Variants in RTN3 observed in about 807,000 individuals in gnomAD.
The protein encoded by RTN3 is reticulon-3.
RTN3 carries 49 observed loss-of-function variants against 77.8 expected under a neutral mutation model. The observed-to-expected ratio is 0.63, with a 90% CI of 0.50 to 0.80. The LOEUF is 0.80. RTN3 is among the 30% of genes least tolerant of loss of function. RTN3 has a pLI of 0.00. For missense variants in RTN3, 1,236 were observed against 1,211.9 expected, an observed-to-expected ratio of 1.02 and a Z score of -0.29; for synonymous variants, 464 against 446.9, an observed-to-expected ratio of 1.04 and a Z score of -0.48.
chr11:63,700,212 T>C (rs752308316), intron 1 of RTN3, among the ~76,000 whole-genome samples: 1 of 151,608 alleles, frequency 6.6e-6, no homozygotes, highest in Non-Finnish European at 1.5e-5. Flanking sequence ...AGAGATTTAA[T>C]GTTGATAGTA....
chr11:63,707,010 C>T (rs555543197), intron 2 of RTN3, among the ~76,000 whole-genome samples: 3 of 151,502 alleles, frequency 2.0e-5, no homozygotes, highest in Non-Finnish European at 2.9e-5. Context: ...GCAGTTCTCT[C>T]GCCTCAGCCT....
rs1196562047 is a variant in RTN3 at position 63,718,772 on chromosome 11, T to C, written c.270T>C (p.Ser90=). The change falls in exon 3 of 9, where the codon TCT becomes TCC. Residue 90 remains serine, a synonymous_variant. Coordinates refer to ENST00000377819, the MANE Select transcript of RTN3 (RefSeq NM_001265589.2). ...EIMTSSFLSS[S]EIHNTGLTIL... ...TGACTTCTTCCTTTCTTTCATCTTC[T>C]GAAATACATAACACTGGCCTTACAA... is the stretch of plus-strand genomic sequence containing the variant. 2 of 1,608,694 alleles carry C rather than the reference T, an allele frequency of 1.2e-6. No homozygotes were observed. The highest frequency in any genetic ancestry group is 2.2e-5 in the East Asian group (1 of 44,860).
intron 1 of RTN3, among the ~76,000 whole-genome samples, chr11:63,702,126 A>G (rs911642123): frequency 6.6e-6 from 1 of 152,192 alleles, no homozygotes; most frequent in African/African-American, 2.4e-5. Context: ...ATTTGTGAAA[A>G]TATTTTTATA....
At chr11:63,744,440 C>T (rs561422828) in intron 3 of RTN3, among the ~76,000 whole-genome samples, 10 of 152,152 alleles carry the variant, frequency 6.6e-5, no homozygotes, top group African/African-American at 2.4e-4. Context: ...CTACTACATA[C>T]CTATGCAATA....
chr11:63,753,135 C>G lies in RTN3; in HGVS notation c.2944C>G (p.Leu982Val). ...AVFNGITLLI[L>V]AELLIFSVPI... is the part of the protein sequence containing the mutation. Reference sequence around the variant, plus strand: ...TTTTAACGGAATCACCCTTCTAATTCTTGGTAAGGTGGCAAGGAGAATGTG... The same window carrying G: ...TTTTAACGGAATCACCCTTCTAATTGTTGGTAAGGTGGCAAGGAGAATGTG... Residue 982 changes from leucine (L) to valine (V), a missense_variant, in exon 6 of 9, where the codon CTT becomes GTT. Leu to Val is a conservative substitution (Grantham distance 32, BLOSUM62 1). Around this residue, in one of 3 missense-constraint regions of RTN3, gnomAD observed 141 missense variants for 154.9 expected, o/e 0.91. Coordinates refer to ENST00000377819, the MANE Select transcript of RTN3 (RefSeq NM_001265589.2). 1.2e-6 allele frequency: 2 copies of G among 1,613,814 alleles called. No homozygotes were observed. The highest frequency in any genetic ancestry group is 1.7e-6 in the Non-Finnish European group (2 of 1,179,756).
At chr11:63,703,944 T>TG (rs1469969462) in intron 1 of RTN3, among the ~76,000 whole-genome samples, 2 of 152,182 alleles carry the variant, frequency 1.3e-5, no homozygotes, top group Admixed American at 6.6e-5. Flanking sequence ...GGAGAATATG[T>TG]GCATTTTAAA....
At position 63,749,981 on chromosome 11, in the gene RTN3, C is replaced by T. The variant is rs767309973; in HGVS notation, c.2531-10C>T. 4 of 1,607,012 alleles carry T rather than the reference C, an allele frequency of 2.5e-6. No individual in the cohort carries two copies. Among genetic ancestry groups the T allele is most frequent in the Non-Finnish European group, 2.6e-6 (3 of 1,173,902 alleles). On this transcript the variant is annotated splice_polypyrimidine_tract_variant and intron_variant, in intron 3 of 8. Coordinates refer to ENST00000377819, the MANE Select transcript of RTN3 (RefSeq NM_001265589.2). ...TTTCTTATAACTTATATTCCCTTTT[C>T]TTTTGTCAGTGCACGATCTGATTTT...
At chr11:63,753,236 C>A in intron 6 of RTN3, 98 bp downstream of exon 6, 3 of 1,209,114 alleles carry the variant, frequency 2.5e-6, no homozygotes, top group Admixed American at 1.8e-5. Context: ...TTCTTCATTG[C>A]CCAGTCTTGA....
At chr11:63,741,833 A>G (rs1433991980) in intron 3 of RTN3, among the ~76,000 whole-genome samples, 1 of 151,456 alleles carries the variant, frequency 6.6e-6, no homozygotes, top group Non-Finnish European at 1.5e-5. Flanking sequence ...TTAATGCACA[A>G]TTGTCTGTTT....
chr11:63,753,801 T>C (rs2014225780), intron 7 of RTN3, 93 bp downstream of exon 7: 1 of 1,128,988 alleles, frequency 8.9e-7, no homozygotes, highest in Non-Finnish European at 1.3e-6. Flanking sequence ...GAGCAGTCTT[T>C]TTATAACTAT....
intron 1 of RTN3, among the ~76,000 whole-genome samples, chr11:63,690,180 C>T (rs1203275408): frequency 2.0e-5 from 3 of 152,160 alleles, no homozygotes; most frequent in Non-Finnish European, 2.9e-5. Context: ...ATTGGTAGCT[C>T]GCCCTTCAAG....
rs775859324 is a variant in RTN3, at chr11:63,704,918, A to G, written c.199+11A>G. On this transcript the variant is annotated intron_variant, in intron 2 of 8. Coordinates refer to ENST00000377819, the MANE Select transcript of RTN3 (RefSeq NM_001265589.2). ...TTTCGACCTCACAAGGCAAGTCTGT[A>G]ATTTTTTTGTGTGCATTGGTAAAAG... The G allele has an allele frequency of 2.3e-5, 37 of 1,603,158 alleles. 1 individual carries two copies. Among genetic ancestry groups the G allele is most frequent in the Admixed American group, 1.3e-4 (8 of 59,962 alleles).
chr11:63,743,691 G>A (rs991282842), intron 3 of RTN3, among the ~76,000 whole-genome samples: 1 of 152,154 alleles, frequency 6.6e-6, no homozygotes, highest in Non-Finnish European at 1.5e-5. Flanking sequence ...GAGGCGGGCG[G>A]ATCATCTGAG....
At chr11:63,728,968 A>G (rs2012484374) in intron 3 of RTN3, among the ~76,000 whole-genome samples, 1 of 151,934 alleles carries the variant, frequency 6.6e-6, no homozygotes, top group Non-Finnish European at 1.5e-5. Flanking sequence ...ATTAGAGCTT[A>G]CTTCTTACTA....
chr11:63,743,627 C>T (rs2013616747), intron 3 of RTN3, among the ~76,000 whole-genome samples: 1 of 152,128 alleles, frequency 6.6e-6, no homozygotes, highest in Non-Finnish European at 1.5e-5. Flanking sequence ...TTTTCACAAG[C>T]TGGGCACAAA....
chr11:63,757,045 A>C (rs1172921089), intron 8 of RTN3, among the ~76,000 whole-genome samples: 1 of 152,196 alleles, frequency 6.6e-6, no homozygotes, highest in Non-Finnish European at 1.5e-5. Flanking sequence ...TCCGTCTCAA[A>C]AAAAAACCAA....
At chr11:63,749,571 A>G (rs1054870312) in intron 3 of RTN3, among the ~76,000 whole-genome samples, 1 of 152,242 alleles carries the variant, frequency 6.6e-6, no homozygotes, top group African/African-American at 2.4e-5. Flanking sequence ...CCTTTCTGCC[A>G]AACTATTTAA....
At chr11:63,685,604 T>G (rs549563925) in intron 1 of RTN3, among the ~76,000 whole-genome samples, 18 of 152,226 alleles carry the variant, frequency 1.2e-4, no homozygotes, top group African/African-American at 3.4e-4. Flanking sequence ...TCTCAGGCTT[T>G]TGCACCATGA....
At chr11:63,735,087 C>T (rs2012997319) in intron 3 of RTN3, among the ~76,000 whole-genome samples, 2 of 152,002 alleles carry the variant, frequency 1.3e-5, no homozygotes, top group Admixed American at 1.3e-4. Flanking sequence ...AGTGCAGTGG[C>T]GCAATCTCTG....
Sources: gnomAD v4.1 joint callset for allele counts (sites outside exome capture counted in the v4.1 genomes callset) on GRCh38, gnomAD v4.1.1 for gene constraint, gnomAD v4.1.1 regional missense constraint, MANE v1.5 for transcripts, NCBI Gene and HGNC (gene_info 2026-07-23, HGNC 2026-07-21) for gene names.